Variants in KLHL29 observed in about 807,000 individuals in gnomAD.
The protein encoded by KLHL29 is kelch like family member 29, also known as kelch-like protein 29.
Under a neutral mutation model 80.4 loss-of-function variants are expected in KLHL29, and 21 were observed. The observed-to-expected ratio is 0.26, with a 90% CI of 0.19 to 0.38. The LOEUF is 0.38. Among genes scored for constraint, KLHL29 ranks in the 10% least tolerant of loss-of-function variants. The probability of loss-of-function intolerance (pLI) is 1.00; values close to 1 mark genes in which losing one functional copy is unlikely to be tolerated. For synonymous variants in KLHL29, 511 were observed against 526.8 expected (o/e 0.97, Z 0.41); for missense variants, 867 against 1,223.9 (o/e 0.71, Z 4.35).
At chr2:23,572,590 A>G (rs1162521270) in intron 3 of KLHL29, among the ~76,000 whole-genome samples, 1 of 152,190 alleles carries the variant, frequency 6.6e-6, no homozygotes, top group Non-Finnish European at 1.5e-5. Context: ...ATATTTATTA[A>G]TTTATTTAGC....
chr2:23,439,226 G>A (rs1280445443), intron 1 of KLHL29, among the ~76,000 whole-genome samples: 2 of 151,572 alleles, frequency 1.3e-5, no homozygotes, highest in Non-Finnish European at 2.9e-5. Context: ...TCTTGCTAGT[G>A]GTCTATCAAT....
At chr2:23,466,700 A>T (rs912103284) in intron 1 of KLHL29, among the ~76,000 whole-genome samples, 12 of 152,172 alleles carry the variant, frequency 7.9e-5, no homozygotes, top group Non-Finnish European at 1.5e-4. Context: ...TATCTTTGTT[A>T]TGGTTTTTTT....
chr2:23,488,138 C>T (rs369782172), intron 2 of KLHL29, among the ~76,000 whole-genome samples: 6 of 152,214 alleles, frequency 3.9e-5, no homozygotes, highest in Non-Finnish European at 7.3e-5. Context: ...GCACTGGCCC[C>T]GTCTTATTTG....
In KLHL29 at chr2:23,647,227, C is replaced by G. The variant is rs1309230075; in HGVS notation, c.940+4377C>G. Among the ~76,000 whole-genome samples, 1 of 152,198 alleles carries G rather than the reference C, an allele frequency of 6.6e-6. No individual in the cohort carries two copies. The highest frequency in any genetic ancestry group is 1.5e-5 in the Non-Finnish European group (1 of 68,038). ...AGGCCTGGCACTGATCTCATCTCTC[C>G]TTGCCCCACACTCTGACATGTCCAG... On this transcript the variant is annotated intron_variant, in intron 5 of 13. Transcript: ENST00000486442. This position sits in a 1 kb window ranked among gnomAD's most constrained non-coding sequence, Gnocchi z 4.9.
chr2:23,500,258 G>A (rs1665401513), intron 2 of KLHL29, among the ~76,000 whole-genome samples: 1 of 152,184 alleles, frequency 6.6e-6, no homozygotes, highest in South Asian at 2.1e-4. Context: ...TCATGGAAGA[G>A]GGAGACTTGA....
chr2:23,532,097 AC>A (rs1251072134), intron 2 of KLHL29, among the ~76,000 whole-genome samples: 1 of 151,296 alleles, frequency 6.6e-6, no homozygotes, highest in Non-Finnish European at 1.5e-5. Flanking sequence ...TTCCACAACG[AC>A]CCCCCACAGA....
At chr2:23,635,514 C>G (rs973828366) in intron 3 of KLHL29, among the ~76,000 whole-genome samples, 1 of 152,220 alleles carries the variant, frequency 6.6e-6, no homozygotes, top group Admixed American at 6.5e-5. Flanking sequence ...CGGAGAGCTT[C>G]AACCGTAGAG....
At chr2:23,546,038 A>G (rs930852223) in intron 2 of KLHL29, among the ~76,000 whole-genome samples, 1 of 152,208 alleles carries the variant, frequency 6.6e-6, no homozygotes, top group African/African-American at 2.4e-5. Flanking sequence ...CCAAGAGCAG[A>G]TGGTGTCTCC....
At position 23,703,317 on chromosome 2, in the gene KLHL29, G is replaced by A. The variant is rs1194563831; in HGVS notation, c.2237G>A (p.Gly746Asp). 6.5e-7 allele frequency: 1 copy of A among 1,546,250 alleles called. No homozygotes were observed. Among genetic ancestry groups the A allele is most frequent in the East Asian group, 2.5e-5 (1 of 40,770 alleles). ...GGVNEAGRAA[G>D]VLQSYVPQTN... is the part of the protein sequence containing the mutation. ...GTGAACGAGGCAGGCCGAGCTGCCGGCGTCCTCCAGTCTTACGTTCCTCAG... is the reference window on the plus strand; with the variant it reads ...GTGAACGAGGCAGGCCGAGCTGCCGACGTCCTCCAGTCTTACGTTCCTCAG... Residue 746 changes from glycine to aspartate, a missense_variant, in exon 12 of 14, where the codon GGC becomes GAC. Coordinates refer to ENST00000486442, the MANE Select transcript of KLHL29 (RefSeq NM_052920.2).
At chr2:23,432,174 G>A (rs927795808) in intron 1 of KLHL29, among the ~76,000 whole-genome samples, 3 of 152,156 alleles carry the variant, frequency 2.0e-5, no homozygotes, top group African/African-American at 7.2e-5. Flanking sequence ...ATGCATAGTG[G>A]AATCTGCTTT....
At chr2:23,616,259 A>G (rs747563215) in intron 3 of KLHL29, among the ~76,000 whole-genome samples, 4 of 152,148 alleles carry the variant, frequency 2.6e-5, no homozygotes, top group Non-Finnish European at 5.9e-5. Flanking sequence ...GTTCATACTC[A>G]GCCTGGGGTT....
intron 1 of KLHL29, among the ~76,000 whole-genome samples, chr2:23,414,175 G>A (rs1666928966): frequency 6.6e-6 from 1 of 152,244 alleles, no homozygotes. Context: ...TCCTGTGGAG[G>A]ACAGAGATGA....
intron 1 of KLHL29, among the ~76,000 whole-genome samples, chr2:23,436,232 A>G (rs1434450075): frequency 6.6e-6 from 1 of 151,354 alleles, no homozygotes; most frequent in African/African-American, 2.4e-5. Context: ...TGTTGCTGAT[A>G]CTCAGTAAAC....
Position 23,623,982 on chromosome 2 carries a change from A to G in KLHL29, c.286-15157A>G, listed in dbSNP as rs576414938. ...TGAACTAACTCCCCGTGAATAAACAATAGAAGAGAATTTTGATGCCAGTGC... is the reference window on the plus strand; with the variant it reads ...TGAACTAACTCCCCGTGAATAAACAGTAGAAGAGAATTTTGATGCCAGTGC... On this transcript the variant is annotated intron_variant, in intron 3 of 13. Coordinates refer to ENST00000486442, the MANE Select transcript of KLHL29 (RefSeq NM_052920.2). Among the ~76,000 whole-genome samples, 3 of 152,312 alleles carry G rather than the reference A, an allele frequency of 2.0e-5. No individual in the cohort carries two copies. In the East Asian group the frequency reaches 5.8e-4, roughly 29 times the overall value.
chr2:23,493,838 A>G (rs2103449939), intron 2 of KLHL29, among the ~76,000 whole-genome samples: 1 of 152,320 alleles, frequency 6.6e-6, no homozygotes, highest in African/African-American at 2.4e-5. Context: ...TTTAGGATGG[A>G]TAGATGGCAA....
At chr2:23,544,181 G>A (rs1666923238) in intron 2 of KLHL29, among the ~76,000 whole-genome samples, 1 of 152,186 alleles carries the variant, frequency 6.6e-6, no homozygotes, top group Admixed American at 6.5e-5. Flanking sequence ...GCCCGTCTGT[G>A]GGGAGAGAAG....
intron 2 of KLHL29, chr2:23,524,357 C>CTTTTTTA: frequency 4.1e-5 from 8 of 194,704 alleles, no homozygotes; most frequent in South Asian, 2.8e-4. Context: ...CAGGAAGTAG[C>CTTTTTTA]AGGCCAGGAA....
chr2:23,483,650 A>G (rs1045826957), intron 2 of KLHL29, among the ~76,000 whole-genome samples: 2 of 152,200 alleles, frequency 1.3e-5, no homozygotes, highest in Admixed American at 1.3e-4. Flanking sequence ...TTAGGTTGCA[A>G]AGTGTTTTCA....
chr2:23,469,929 T>TG (rs1347972317), intron 1 of KLHL29, among the ~76,000 whole-genome samples: 1 of 148,610 alleles, frequency 6.7e-6, no homozygotes, highest in East Asian at 2.0e-4. Flanking sequence ...AGAGTGAGGG[T>TG]GGGGGGATAT....
Sources: allele counts gnomAD v4.1 joint callset (sites outside exome capture counted in the v4.1 genomes callset), GRCh38; gene constraint gnomAD v4.1.1; non-coding constraint Gnocchi (gnomAD v3.1); transcripts MANE v1.5; gene names NCBI Gene and HGNC (gene_info 2026-07-23, HGNC 2026-07-21).